AKR1C3: variants seen among roughly 807,000 people sequenced by gnomAD.
AKR1C3 encodes 3-alpha hydroxysteroid dehydrogenase, type II.
In AKR1C3, 48 loss-of-function variants were observed where a neutral mutation model predicts 43.6. The observed-to-expected ratio is 1.10, with a 90% CI of 0.87 to 1.40. The LOEUF is 1.40. Ranked by LOEUF, AKR1C3 falls within the 40% of genes most tolerant of loss-of-function variation. The pLI is 0.00. For synonymous variants in AKR1C3, 162 were observed against 139.6 expected (o/e 1.16, Z -1.13); for missense variants, 482 against 391.2 (o/e 1.23, Z -1.96).
At chr10:5,058,585 C>G in intron 1 of AKR1C3, among the ~76,000 whole-genome samples, 1 of 152,208 alleles carries the variant, frequency 6.6e-6, no homozygotes, top group Admixed American at 6.5e-5. Flanking sequence ...GAACCCACAA[C>G]AGTCCCTGGA....
intron 1 of AKR1C3, among the ~76,000 whole-genome samples, chr10:5,058,029 G>T (rs868938669): frequency 6.6e-6 from 1 of 152,092 alleles, no homozygotes; most frequent in African/African-American, 2.4e-5. Flanking sequence ...ACCCGGGTTG[G>T]GCCAAATTCC....
rs782156465 is a variant in AKR1C3 at position 5,099,388 on chromosome 10, G to T, written c.509G>T (p.Arg170Leu). 1.2e-6 allele frequency: 2 copies of T among 1,614,144 alleles called. No homozygotes were observed. The highest frequency in any genetic ancestry group is 1.3e-5 in the African/African-American group (1 of 75,036). The change falls in exon 5 of 9, where the codon CGC (arginine) becomes CTC (leucine). Residue 170 changes from arginine (R) to leucine (L), a missense_variant. Coordinates refer to ENST00000380554, the MANE Select transcript of AKR1C3 (RefSeq NM_003739.6). ...TCCATTGGGGTGTCAAACTTCAACC[G>T]CAGGCAGCTGGAGATGATCCTCAAC... is the stretch of plus-strand genomic sequence containing the variant. Reference protein sequence around the residue: ...AKSIGVSNFNRRQLEMILNKP... With the variant: ...AKSIGVSNFNLRQLEMILNKP...
At chr10:5,057,871 A>C (rs1053446517) in intron 1 of AKR1C3, among the ~76,000 whole-genome samples, 2 of 152,176 alleles carry the variant, frequency 1.3e-5, no homozygotes, top group African/African-American at 2.4e-5. Flanking sequence ...CCAGGGTTTG[A>C]TCTAACAGTA....
At chr10:5,085,483 T>A (rs1363500372) in intron 1 of AKR1C3, among the ~76,000 whole-genome samples, 1 of 151,892 alleles carries the variant, frequency 6.6e-6, no homozygotes, top group Non-Finnish European at 1.5e-5. Context: ...TTTGCCAGTA[T>A]TTTATTGAGG....
At chr10:5,084,706 T>C (rs1347927307) in intron 1 of AKR1C3, among the ~76,000 whole-genome samples, 1 of 152,214 alleles carries the variant, frequency 6.6e-6, no homozygotes, top group African/African-American at 2.4e-5. Context: ...TTCCTACCCA[T>C]GAGCATGGAA....
intron 1 of AKR1C3, among the ~76,000 whole-genome samples, chr10:5,084,956 A>G (rs1278710105): frequency 1.3e-5 from 2 of 152,136 alleles, no homozygotes; most frequent in Admixed American, 6.6e-5. Context: ...GAAGTTGCTT[A>G]TCAGCTTGAG....
chr10:5,079,827 G>T (rs1280825955), intron 1 of AKR1C3, among the ~76,000 whole-genome samples: 18 of 152,034 alleles, frequency 1.2e-4, no homozygotes, highest in African/African-American at 4.4e-4. Flanking sequence ...CCATGTACAT[G>T]TATATGAATT....
At chr10:5,095,277 C>A (rs911620793) in intron 1 of AKR1C3, among the ~76,000 whole-genome samples, 1 of 151,956 alleles carries the variant, frequency 6.6e-6, no homozygotes. Context: ...TGAATAGGAA[C>A]TAATTATTGA....
chr10:5,092,334 T>C (rs1839110990), upstream of AKR1C3, among the ~76,000 whole-genome samples: 1 of 152,016 alleles, frequency 6.6e-6, no homozygotes, highest in African/African-American at 2.4e-5. Context: ...CTGTTGCCAA[T>C]TTGAGAACTT....
intron 1 of AKR1C3, among the ~76,000 whole-genome samples, chr10:5,087,342 T>C (rs1838989944): frequency 6.6e-6 from 1 of 151,776 alleles, no homozygotes; most frequent in African/African-American, 2.4e-5. Context: ...CTTGTATTTC[T>C]CTGATATCAG....
chr10:5,085,827 T>G (rs1380590116), intron 1 of AKR1C3, among the ~76,000 whole-genome samples: 1 of 151,960 alleles, frequency 6.6e-6, no homozygotes, highest in African/African-American at 2.4e-5. Context: ...TCAAGGAGTT[T>G]ATCCATTTCT....
chr10:5,077,742 A>C, intron 1 of AKR1C3: 2 of 1,168,622 alleles, frequency 1.7e-6, no homozygotes, highest in Non-Finnish European at 2.1e-6. Flanking sequence ...AGAAAAAAAA[A>C]GGTGCAGCTC....
At chr10:5,103,861 C>T (rs1457962518) in intron 7 of AKR1C3, among the ~76,000 whole-genome samples, 1 of 152,036 alleles carries the variant, frequency 6.6e-6, no homozygotes, top group Non-Finnish European at 1.5e-5. Context: ...GATACAGGGA[C>T]ATGTGAGTGT....
rs782583080 is a variant in AKR1C3 at position 5,098,887 on chromosome 10, C to G, written c.447+8C>G. ...CTCTGTACCACCTGGGAGGTGAGTG[C>G]TTGGCGGAGAGGACACAGAGAAGGA... is the stretch of plus-strand genomic sequence containing the variant. On this transcript the variant is annotated splice_region_variant and intron_variant, in intron 4 of 8. Coordinates refer to ENST00000380554, the MANE Select transcript of AKR1C3 (RefSeq NM_003739.6). The G allele has an allele frequency of 6.2e-7, 1 of 1,605,290 alleles. No individual in the cohort carries two copies. The highest frequency in any genetic ancestry group is 1.1e-5 in the South Asian group (1 of 89,474).
At chr10:5,063,382 T>C (rs797027464) in intron 1 of AKR1C3, among the ~76,000 whole-genome samples, 4 of 152,194 alleles carry the variant, frequency 2.6e-5, no homozygotes, top group African/African-American at 9.6e-5. Flanking sequence ...TGTTAGAATA[T>C]ACTCCACAGG....
chr10:5,104,951 CTCTCATTCTCTGTA>C (rs1433620559), intron 7 of AKR1C3, among the ~76,000 whole-genome samples: 1 of 152,124 alleles, frequency 6.6e-6, no homozygotes, highest in Admixed American at 6.6e-5. Context: ...TATTCTCTCT[CTCTCATTCTCTGTA>C]TCACTATTAG....
Position 5,062,854 on chromosome 10 carries a change from T to TA in AKR1C3, c.84+13975dup, listed in dbSNP as rs57602420. ...CCTCTATTTCCACAGAACTCCTAGT[T>TA]AAAAAAAAAAAAAAAAGGAAAGAAA... is the stretch of plus-strand genomic sequence containing the variant. On this transcript the variant is annotated intron_variant, in intron 1 of 8. Transcript: ENST00000439082. 3.5e-3 allele frequency among the ~76,000 whole-genome samples: 481 copies of TA among 138,524 alleles called. 2 individuals carry two copies. The highest frequency in any genetic ancestry group is 7.3e-3 in the African/African-American group (273 of 37,588). The allele number at this position is 138,524 out of a possible 152,430, so 90.9% of individuals were successfully genotyped here.
At chr10:5,063,764 GCAA>G (rs1423374034) in intron 1 of AKR1C3, among the ~76,000 whole-genome samples, 17 of 33,432 alleles carry the variant, frequency 5.1e-4, no homozygotes, top group African/African-American at 1.5e-3. Flanking sequence ...CTCTGTCTCA[GCAA>G]AAAAAAAAAA....
exon 1 of AKR1C3, chr10:5,048,830 T>C: frequency 6.2e-7 from 1 of 1,613,850 alleles, no homozygotes; most frequent in East Asian, 2.2e-5. Flanking sequence ...AAAACATCAG[T>C]GTTTGAAGCT....
Sources: gnomAD v4.1 joint callset for allele counts (sites outside exome capture counted in the v4.1 genomes callset) on GRCh38, gnomAD v4.1.1 for gene constraint, MANE v1.5 for transcripts, NCBI Gene and HGNC (gene_info 2026-07-23, HGNC 2026-07-21) for gene names.